Variants in OR9Q1 observed in about 807,000 individuals in gnomAD.
OR9Q1 encodes the protein olfactory receptor family 9 subfamily Q member 1.
For missense variants in OR9Q1, 374 were observed against 378.8 expected, an observed-to-expected ratio of 0.99 and a Z score of 0.11; for synonymous variants, 153 against 148.6, an observed-to-expected ratio of 1.03 and a Z score of -0.22.
At chr11:58,030,934 T>G in intron 1 of OR9Q1, 4 of 1,502,128 alleles carry the variant, frequency 2.7e-6, no homozygotes, top group Non-Finnish European at 3.7e-6. Context: ...ATGAGTTTGC[T>G]GAGCTCTCAC....
chr11:58,069,963 G>C (rs1198309094), intron 2 of OR9Q1, among the ~76,000 whole-genome samples: 1 of 152,068 alleles, frequency 6.6e-6, no homozygotes, highest in Non-Finnish European at 1.5e-5. Context: ...GGGCCTTGCA[G>C]CAGAGCTGTG....
chr11:58,029,415 G>A (rs907283897), intron 1 of OR9Q1, among the ~76,000 whole-genome samples: 3 of 152,178 alleles, frequency 2.0e-5, no homozygotes, highest in Non-Finnish European at 4.4e-5. Flanking sequence ...ACCTGGCACA[G>A]CATCACTTCC....
At chr11:58,067,744 G>C (rs1853443372) in intron 2 of OR9Q1, among the ~76,000 whole-genome samples, 1 of 152,210 alleles carries the variant, frequency 6.6e-6, no homozygotes. Flanking sequence ...GTGGGAAATG[G>C]AAGTGTGGAG....
chr11:58,119,283 T>A (rs1853999443), intron 2 of OR9Q1: 18 of 1,613,730 alleles, frequency 1.1e-5, no homozygotes, highest in Non-Finnish European at 1.5e-5. Context: ...GGGTGTAGAG[T>A]TTGACATCTA....
chr11:58,152,201 T>A (rs764293490), intron 2 of OR9Q1, among the ~76,000 whole-genome samples: 1 of 152,116 alleles, frequency 6.6e-6, no homozygotes, highest in Non-Finnish European at 1.5e-5. Context: ...GACTCAGGGA[T>A]AGGTGGGATG....
intron 2 of OR9Q1, among the ~76,000 whole-genome samples, chr11:58,081,082 C>T (rs1015031155): frequency 3.9e-5 from 6 of 152,064 alleles, no homozygotes; most frequent in Non-Finnish European, 4.4e-5. Context: ...GTTTTCTGTC[C>T]TTGTGATAGT....
At chr11:58,106,357 A>C (rs953012338) in intron 2 of OR9Q1, among the ~76,000 whole-genome samples, 2 of 151,964 alleles carry the variant, frequency 1.3e-5, no homozygotes, top group African/African-American at 4.8e-5. Flanking sequence ...ATTTTATTAC[A>C]ATTGAGTTGC....
chr11:58,083,375 C>T (rs771762775), intron 2 of OR9Q1, among the ~76,000 whole-genome samples: 3 of 151,570 alleles, frequency 2.0e-5, no homozygotes, highest in South Asian at 2.1e-4. Flanking sequence ...AGCCCTTTGT[C>T]GATGTATATT....
chr11:58,139,269 G>A (rs1273192744), intron 2 of OR9Q1, among the ~76,000 whole-genome samples: 1 of 142,656 alleles, frequency 7.0e-6, no homozygotes, highest in African/African-American at 2.6e-5. Flanking sequence ...AAGTTCAGGT[G>A]TTCATGTGCA....
At chr11:58,062,873 A>T (rs1853393348) in intron 2 of OR9Q1, among the ~76,000 whole-genome samples, 1 of 152,186 alleles carries the variant, frequency 6.6e-6, no homozygotes, top group East Asian at 1.9e-4. Context: ...TCTAATTTGG[A>T]GGCTTGAGGC....
At chr11:58,061,949 C>A (rs1037907788) in intron 2 of OR9Q1, among the ~76,000 whole-genome samples, 1 of 152,114 alleles carries the variant, frequency 6.6e-6, no homozygotes, top group African/African-American at 2.4e-5. Context: ...AACCTACTTG[C>A]CAATCTCAAA....
At chr11:58,093,092 T>G (rs1312446688) in intron 2 of OR9Q1, among the ~76,000 whole-genome samples, 1 of 152,218 alleles carries the variant, frequency 6.6e-6, no homozygotes, top group Admixed American at 6.5e-5. Context: ...CAATTATAGC[T>G]TCTATTTTGA....
intron 1 of OR9Q1, among the ~76,000 whole-genome samples, chr11:58,034,262 T>C (rs774267294): frequency 6.6e-6 from 1 of 151,658 alleles, no homozygotes. Flanking sequence ...ATTTTTTTTA[T>C]ATTTTTAGTA....
intron 2 of OR9Q1, among the ~76,000 whole-genome samples, chr11:58,178,606 C>G (rs368470435): frequency 3.2e-4 from 48 of 151,912 alleles, no homozygotes; most frequent in Admixed American, 1.1e-3. Context: ...AGTCCTGACA[C>G]GGATATTACA....
At chr11:58,140,993 G>A (rs2119867897) in intron 2 of OR9Q1, among the ~76,000 whole-genome samples, 1 of 152,146 alleles carries the variant, frequency 6.6e-6, no homozygotes, top group South Asian at 2.1e-4. Flanking sequence ...TCCTTGAAGA[G>A]GTCCTTCACA....
intron 2 of OR9Q1, among the ~76,000 whole-genome samples, chr11:58,085,255 T>G (rs1330892747): frequency 6.6e-6 from 1 of 151,882 alleles, no homozygotes; most frequent in Non-Finnish European, 1.5e-5. Context: ...GAGGTATAAT[T>G]AATAGACAAT....
chr11:58,053,614 T>TATATATATATAAA (rs61420765), intron 1 of OR9Q1, among the ~76,000 whole-genome samples: 46,438 of 103,330 alleles, frequency 0.45, 9,323 homozygotes, highest in East Asian at 0.77. Context: ...AATTAAAAAA[T>TATATATATATAAA]ATATATATAT....
chr11:58,088,110 G>T (rs1853650736), intron 2 of OR9Q1, among the ~76,000 whole-genome samples: 1 of 151,768 alleles, frequency 6.6e-6, no homozygotes, highest in African/African-American at 2.4e-5. Flanking sequence ...CAAAGTGCTG[G>T]GAGTACAGGC....
chr11:58,033,417 G>A (rs752171145), intron 1 of OR9Q1, among the ~76,000 whole-genome samples: 18 of 152,192 alleles, frequency 1.2e-4, no homozygotes, highest in Non-Finnish European at 2.5e-4. Flanking sequence ...GGAATACTAT[G>A]CAGACATGAA....
Sources: allele counts gnomAD v4.1 joint callset (sites outside exome capture counted in the v4.1 genomes callset), GRCh38; gene constraint gnomAD v4.1.1; transcripts MANE v1.5; gene names NCBI Gene and HGNC (gene_info 2026-07-23, HGNC 2026-07-21).